GAS7: variants seen among roughly 807,000 people sequenced by gnomAD.
GAS7 encodes growth arrest specific 7, also known as growth arrest-specific protein 7.
In GAS7, 28 loss-of-function variants were observed where a neutral mutation model predicts 71.1. That is an observed-to-expected ratio of 0.39 (90% CI 0.29 to 0.54). The LOEUF is 0.54. Among genes scored for constraint, GAS7 ranks in the 20% least tolerant of loss-of-function variants. The pLI, the probability that GAS7 is intolerant of heterozygous loss-of-function variation, is 0.62. For missense variants in GAS7, 436 were observed against 627.8 expected (o/e 0.69, Z 3.27); for synonymous variants, 258 against 245.8 (o/e 1.05, Z -0.46).
chr17:10,039,514 T>C (rs1246735538), intron 1 of GAS7, among the ~76,000 whole-genome samples: 1 of 152,062 alleles, frequency 6.6e-6, no homozygotes, highest in African/African-American at 2.4e-5. Flanking sequence ...AAAACCCATC[T>C]CTACTAAAAA....
At chr17:10,071,248 C>A (rs2073337105) in intron 1 of GAS7, among the ~76,000 whole-genome samples, 1 of 152,132 alleles carries the variant, frequency 6.6e-6, no homozygotes, top group Admixed American at 6.5e-5. Flanking sequence ...TCCACCATCC[C>A]CTTGGGCAAG....
At chr17:10,001,913 C>T (rs2071281868) in intron 2 of GAS7, among the ~76,000 whole-genome samples, 2 of 152,144 alleles carry the variant, frequency 1.3e-5, no homozygotes, top group South Asian at 4.1e-4. Flanking sequence ...GATGGCCTGG[C>T]AAGGCAATGG....
chr17:9,982,543 T>G (rs1297524756), intron 2 of GAS7, among the ~76,000 whole-genome samples: 3 of 151,960 alleles, frequency 2.0e-5, no homozygotes, highest in Non-Finnish European at 2.9e-5. Flanking sequence ...TTGGGAGGCC[T>G]AGGTGGGCAG....
chr17:10,010,203 G>A (rs185898971), intron 2 of GAS7, among the ~76,000 whole-genome samples: 111 of 151,860 alleles, frequency 7.3e-4, no homozygotes, highest in Non-Finnish European at 1.3e-3. Flanking sequence ...AGGCTGGAGT[G>A]CAGTGGCGTG....
At chr17:10,124,779 A>G (rs574912021) in intron 1 of GAS7, among the ~76,000 whole-genome samples, 56 of 152,106 alleles carry the variant, frequency 3.7e-4, no homozygotes, top group Admixed American at 2.0e-3. Context: ...TTAGCTGAGC[A>G]TGGTGGTGCG....
chr17:10,114,251 G>C (rs1466739434), intron 1 of GAS7, among the ~76,000 whole-genome samples: 3 of 152,082 alleles, frequency 2.0e-5, no homozygotes, highest in African/African-American at 4.8e-5. Flanking sequence ...AGTCTCACTG[G>C]GAAGGAAGCC....
intron 6 of GAS7, among the ~76,000 whole-genome samples, chr17:9,945,923 G>A (rs2152097060): frequency 6.6e-6 from 1 of 152,286 alleles, no homozygotes; most frequent in Non-Finnish European, 1.5e-5. Flanking sequence ...GGTGGAGGCT[G>A]GAGTGAGCCA....
chr17:10,195,066 G>A (rs2074531181), intron 1 of GAS7, among the ~76,000 whole-genome samples: 1 of 152,090 alleles, frequency 6.6e-6, no homozygotes, highest in South Asian at 2.1e-4. Context: ...AAGAACCCTT[G>A]TGGCCAGAGT....
At chr17:10,106,914 TA>T (rs1472190176) in intron 1 of GAS7, among the ~76,000 whole-genome samples, 1 of 152,100 alleles carries the variant, frequency 6.6e-6, no homozygotes, top group Non-Finnish European at 1.5e-5. Context: ...ATTATCTGGG[TA>T]GGTTCTAAAT....
chr17:10,120,025 C>T (rs1316557546), intron 1 of GAS7, among the ~76,000 whole-genome samples: 2 of 152,206 alleles, frequency 1.3e-5, no homozygotes, highest in African/African-American at 4.8e-5. Flanking sequence ...TAACCACAGG[C>T]AGGACTGCTA....
In GAS7 at chr17:10,145,919, C is replaced by T. The variant is rs188975896; in HGVS notation, c.183+52289G>A. ...ACCATCTCAACAATGAGAACTTGCC[C>T]CCGTAGTCCCAAAGCCAGGATCTTC... On this transcript the variant is annotated intron_variant, in intron 1 of 13. Transcript: ENST00000432992. Among the ~76,000 whole-genome samples, 3 of 152,242 alleles carry T rather than the reference C, an allele frequency of 2.0e-5. No individual in the cohort carries two copies. In the East Asian group the frequency reaches 5.8e-4, roughly 29 times the overall value.
At chr17:10,056,713 T>C (rs1470629621) in intron 1 of GAS7, among the ~76,000 whole-genome samples, 1 of 151,758 alleles carries the variant, frequency 6.6e-6, no homozygotes, top group Non-Finnish European at 1.5e-5. Context: ...CTACTAAAAA[T>C]ACAAAAATTA....
chr17:9,978,561 C>T (rs139245687), intron 3 of GAS7, among the ~76,000 whole-genome samples: 1 of 151,844 alleles, frequency 6.6e-6, no homozygotes, highest in African/African-American at 2.4e-5. Context: ...GCCTGTAGTT[C>T]CAGCTACTTG....
rs189801345 is a variant in GAS7, at chr17:9,921,397, C to T, written c.1139-1692G>A. 4.0e-3 allele frequency among the ~76,000 whole-genome samples: 612 copies of T among 152,092 alleles called. 4 individuals are homozygous for T. The highest frequency in any genetic ancestry group is 0.014 in the African/African-American group (585 of 41,522). On this transcript the variant is annotated intron_variant, in intron 11 of 13. Transcript: ENST00000432992. ...GTCTCGAACTCCTGACCTTGTGATC[C>T]GCCCGCCTCAGCCTCCGAAATGCAA...
Position 9,974,618 on chromosome 17 carries a change from A to G in GAS7, c.386-4856T>C, listed in dbSNP as rs1460637259. 6.6e-6 allele frequency among the ~76,000 whole-genome samples: 1 copy of G among 152,188 alleles called. No individual in the cohort carries two copies. Among genetic ancestry groups the G allele is most frequent in the African/African-American group, 2.4e-5 (1 of 41,430 alleles). ...AACCTTAGCAGCTTCAAATATAAAT[A>G]ATACACACAGGCACCCACACACTTC... is the stretch of plus-strand genomic sequence containing the variant. On this transcript the variant is annotated intron_variant, in intron 3 of 13. Transcript: ENST00000432992. This position sits in a 1 kb window ranked among gnomAD's most constrained non-coding sequence, Gnocchi z 4.0.
At chr17:10,166,421 G>A (rs2074294604) in intron 1 of GAS7, among the ~76,000 whole-genome samples, 1 of 152,214 alleles carries the variant, frequency 6.6e-6, no homozygotes, top group African/African-American at 2.4e-5. Context: ...AGGCATCAGA[G>A]TTTGCAAATA....
chr17:10,055,828 T>C (rs1293261786), intron 1 of GAS7, among the ~76,000 whole-genome samples: 1 of 152,240 alleles, frequency 6.6e-6, no homozygotes, highest in Non-Finnish European at 1.5e-5. Context: ...TGACACTGAT[T>C]GCTTGCATTG....
chr17:10,168,453 C>T (rs2074311159), intron 1 of GAS7, among the ~76,000 whole-genome samples: 1 of 152,128 alleles, frequency 6.6e-6, no homozygotes, highest in South Asian at 2.1e-4. Flanking sequence ...TCTAAGGAGC[C>T]TTTTAAGATA....
chr17:10,115,135 G>A (rs1463880633), intron 1 of GAS7, among the ~76,000 whole-genome samples: 5 of 152,246 alleles, frequency 3.3e-5, no homozygotes, highest in Non-Finnish European at 5.9e-5. Flanking sequence ...AGACCTAAAT[G>A]TGGAAAGCAT....
Sources: gnomAD v4.1 joint callset for allele counts (sites outside exome capture counted in the v4.1 genomes callset) on GRCh38, gnomAD v4.1.1 for gene constraint, Gnocchi (gnomAD v3.1) non-coding constraint, MANE v1.5 for transcripts, NCBI Gene and HGNC (gene_info 2026-07-23, HGNC 2026-07-21) for gene names.